Variants in DLGAP2 observed in about 807,000 individuals in gnomAD.
DLGAP2 encodes DLG associated protein 2, also known as disks large-associated protein 2.
In DLGAP2, 26 loss-of-function variants were observed where a neutral mutation model predicts 100.3. The observed-to-expected ratio is 0.26, with a 90% CI of 0.19 to 0.36. DLGAP2 has a LOEUF of 0.36. Among genes scored for constraint, DLGAP2 ranks in the 10% least tolerant of loss-of-function variants. The pLI, the probability that DLGAP2 is intolerant of heterozygous loss-of-function variation, is 1.00. For synonymous variants in DLGAP2, 886 were observed against 630.1 expected, an observed-to-expected ratio of 1.41 and a Z score of -6.08; for missense variants, 1,858 against 1,453.2, an observed-to-expected ratio of 1.28 and a Z score of -4.53.
chr8:748,183 T>TCTGCGGTGGGATGGGCGGGC (rs1563409728), intron 1 of DLGAP2, among the ~76,000 whole-genome samples: 1 of 63,444 alleles, frequency 1.6e-5, no homozygotes, highest in East Asian at 5.7e-4. Context: ...GATGGGCGGG[T>TCTGCGGTGGGATGGGCGGGC]CTGCGGTGGG....
chr8:960,252 T>TTTTTTTTTTTTTTTTTTC (rs369284313), intron 2 of DLGAP2, among the ~76,000 whole-genome samples: 1 of 142,018 alleles, frequency 7.0e-6, no homozygotes, highest in Non-Finnish European at 1.5e-5. Flanking sequence ...TTTTTTTTTT[T>TTTTTTTTTTTTTTTTTTC]CCCGAGACAC....
intron 1 of DLGAP2, among the ~76,000 whole-genome samples, chr8:890,517 A>G (rs1373961150): frequency 6.6e-6 from 1 of 150,756 alleles, no homozygotes; most frequent in Non-Finnish European, 1.5e-5. Context: ...CCGCCTTGCC[A>G]GGATGGCCCT....
chr8:1,471,751 AT>A (rs1225551403), intron 3 of DLGAP2, among the ~76,000 whole-genome samples: 1 of 152,152 alleles, frequency 6.6e-6, no homozygotes, highest in East Asian at 1.9e-4. Flanking sequence ...CTGTGTAGGA[AT>A]TCACCCTTGC....
intron 9 of DLGAP2, 90 bp downstream of exon 9, chr8:1,668,768 G>A: frequency 8.1e-7 from 1 of 1,228,286 alleles, no homozygotes; most frequent in Admixed American, 2.8e-5. Context: ...GCGGCCCTGG[G>A]TCCTTAGCAC....
chr8:984,284 C>G (rs910600697), intron 2 of DLGAP2, among the ~76,000 whole-genome samples: 1 of 152,172 alleles, frequency 6.6e-6, no homozygotes, highest in Non-Finnish European at 1.5e-5. Context: ...CTGAGCTGGT[C>G]AAAATCTCTC....
At chr8:1,426,684 G>C (rs1276036692) in intron 3 of DLGAP2, among the ~76,000 whole-genome samples, 1 of 152,146 alleles carries the variant, frequency 6.6e-6, no homozygotes, top group East Asian at 1.9e-4. Context: ...ATCTACAAAG[G>C]AGCAAGGATT....
chr8:1,178,757 C>T (rs1403728644), intron 2 of DLGAP2, among the ~76,000 whole-genome samples: 2 of 152,212 alleles, frequency 1.3e-5, no homozygotes, highest in African/African-American at 4.8e-5. Flanking sequence ...ACAGTCTTAC[C>T]TGCAATGATT....
chr8:1,262,580 A>G (rs906429299), intron 3 of DLGAP2: 1 of 152,182 alleles, frequency 6.6e-6, no homozygotes, highest in Non-Finnish European at 1.5e-5. Flanking sequence ...ACTCAGAACA[A>G]TCTCAGTTGT....
At chr8:825,301 G>C in intron 1 of DLGAP2, among the ~76,000 whole-genome samples, 1 of 152,206 alleles carries the variant, frequency 6.6e-6, no homozygotes, top group East Asian at 1.9e-4. Flanking sequence ...GGAGGGTGGA[G>C]CTTTCTGTGG....
At chr8:1,164,496 C>T (rs1057067911) in intron 2 of DLGAP2, among the ~76,000 whole-genome samples, 2 of 151,764 alleles carry the variant, frequency 1.3e-5, no homozygotes, top group African/African-American at 4.8e-5. Flanking sequence ...GGGGAGTTAA[C>T]CAGGTAACCA....
chr8:1,522,944 A>G (rs930662005), intron 4 of DLGAP2, among the ~76,000 whole-genome samples: 3 of 152,186 alleles, frequency 2.0e-5, no homozygotes, highest in African/African-American at 4.8e-5. Context: ...TGACAGATGT[A>G]TATGTTTTAA....
At chr8:1,430,007 C>CATATATATATATATATATATATAT (rs60682299) in intron 3 of DLGAP2, among the ~76,000 whole-genome samples, 13 of 54,374 alleles carry the variant, frequency 2.4e-4, no homozygotes, top group Non-Finnish European at 4.3e-4. Context: ...CATATATATA[C>CATATATATATATATATATATATAT]ATATATATAT....
intron 12 of DLGAP2, among the ~76,000 whole-genome samples, chr8:1,680,339 G>C (rs913217533): frequency 2.6e-5 from 4 of 152,216 alleles, no homozygotes; most frequent in Non-Finnish European, 5.9e-5. Flanking sequence ...AGAAATAGAA[G>C]TGCAACAATG....
At chr8:1,185,337 GA>G (rs1447491327) in intron 2 of DLGAP2, among the ~76,000 whole-genome samples, 2 of 152,076 alleles carry the variant, frequency 1.3e-5, no homozygotes, top group Admixed American at 6.5e-5. Context: ...TCATTCTGCT[GA>G]CGTCATCCTG....
chr8:1,274,616 A>G (rs62483874), intron 3 of DLGAP2, among the ~76,000 whole-genome samples: 462 of 148,642 alleles, frequency 3.1e-3, no homozygotes, highest in Admixed American at 6.7e-3. Flanking sequence ...AAAATGAGTG[A>G]CTTTGGATTT....
intron 3 of DLGAP2, among the ~76,000 whole-genome samples, chr8:1,478,552 G>A (rs1269968683): frequency 6.6e-6 from 1 of 152,096 alleles, no homozygotes; most frequent in South Asian, 2.1e-4. Flanking sequence ...AGATGCCCAG[G>A]GCAATGGTCA....
chr8:996,018 G>T (rs1332684390), intron 2 of DLGAP2, among the ~76,000 whole-genome samples: 1 of 152,178 alleles, frequency 6.6e-6, no homozygotes, highest in Non-Finnish European at 1.5e-5. Flanking sequence ...GTCAGCAAAG[G>T]CAAGGCCATT....
intron 1 of DLGAP2, among the ~76,000 whole-genome samples, chr8:797,129 T>C (rs191457250): frequency 2.0e-5 from 3 of 152,310 alleles, no homozygotes; most frequent in African/African-American, 4.8e-5. Flanking sequence ...TCCATGAGTT[T>C]TGACAATTGA....
chr8:1,351,647 A>C (rs1302651734), intron 3 of DLGAP2, among the ~76,000 whole-genome samples: 5 of 61,436 alleles, frequency 8.1e-5, no homozygotes, highest in Admixed American at 2.1e-4. Flanking sequence ...GTGCGTGGAA[A>C]GGCCGTGCGG....
Sources: allele counts gnomAD v4.1 joint callset (sites outside exome capture counted in the v4.1 genomes callset), GRCh38; gene constraint gnomAD v4.1.1; transcripts MANE v1.5; gene names NCBI Gene and HGNC (gene_info 2026-07-23, HGNC 2026-07-21).